The following NBAS variants were observed in gnomAD, a reference collection of about 807,000 sequenced individuals.
NBAS encodes NBAS subunit of NRZ tethering complex.
In NBAS, 219 loss-of-function variants were observed where a neutral mutation model predicts 302.5. The observed-to-expected ratio is 0.72, with a 90% CI of 0.65 to 0.81. The LOEUF is 0.81. Among genes scored for constraint, NBAS ranks in the 30% least tolerant of loss-of-function variants. NBAS has a pLI of 0.00. For synonymous variants in NBAS, 1,118 were observed against 1,021.6 expected (o/e 1.09, Z -1.80); for missense variants, 2,932 against 2,841.6 (o/e 1.03, Z -0.72).
intron 51 of NBAS, among the ~76,000 whole-genome samples, chr2:15,173,742 A>C (rs1323392887): frequency 6.6e-6 from 1 of 152,108 alleles, no homozygotes; most frequent in African/African-American, 2.4e-5. Context: ...TTGAAAATCC[A>C]AGCTTGATCA....
At chr2:14,947,023 C>T in the NBAS span, among the ~76,000 whole-genome samples, 1 of 151,970 alleles carries the variant, frequency 6.6e-6, no homozygotes, top group African/African-American at 2.4e-5. Context: ...AAAAGAAGTT[C>T]TAATAGGAAG....
intron 42 of NBAS, among the ~76,000 whole-genome samples, chr2:15,282,433 T>C (rs1305514907): frequency 6.6e-6 from 1 of 152,232 alleles, no homozygotes; most frequent in Non-Finnish European, 1.5e-5. Flanking sequence ...TATAGTTTAC[T>C]CATCTCTCCT....
the NBAS span, chr2:14,907,662 G>A: frequency 1.3e-5 from 2 of 152,210 alleles, no homozygotes; most frequent in African/African-American, 2.4e-5. Flanking sequence ...CCAAAATTAC[G>A]AAGATATTTC....
At chr2:15,254,214 G>A (rs767420124) in intron 44 of NBAS, among the ~76,000 whole-genome samples, 1 of 151,806 alleles carries the variant, frequency 6.6e-6, no homozygotes, top group Admixed American at 6.6e-5. Flanking sequence ...CACCCAGGAG[G>A]CTCACTTCCT....
the NBAS span, among the ~76,000 whole-genome samples, chr2:15,015,578 A>C: frequency 6.6e-6 from 1 of 152,224 alleles, no homozygotes. Context: ...CATTTGATAA[A>C]ATTCAACACA....
At position 15,424,368 on chromosome 2, in the gene NBAS, C is replaced by A. The variant is rs1085307944; in HGVS notation, c.2524G>T (p.Val842Phe). ...FRMTQLTVEK[V>F]MDWYQTRAEE... Reference sequence around the variant, plus strand: ...GCTCTGGTCTGATACCAGTCCATAACCTTCTCCACCGTAAGCTGGGTCATC... The same window carrying A: ...GCTCTGGTCTGATACCAGTCCATAAACTTCTCCACCGTAAGCTGGGTCATC... The change falls in exon 23 of 52, where the codon GTT becomes TTT. Residue 842 changes from valine (V) to phenylalanine (F), a missense_variant. By Grantham distance (50) the Val-to-Phe change is conservative (BLOSUM62 -1). Coordinates refer to ENST00000281513, the MANE Select transcript of NBAS (RefSeq NM_015909.4). 1.2e-5 allele frequency: 19 copies of A among 1,613,982 alleles called. No individual in the cohort carries two copies. The highest frequency in any genetic ancestry group is 1.4e-5 in the Non-Finnish European group (17 of 1,179,996).
chr2:15,195,214 A>C (rs982964024), intron 48 of NBAS, among the ~76,000 whole-genome samples: 1 of 152,188 alleles, frequency 6.6e-6, no homozygotes, highest in African/African-American at 2.4e-5. Flanking sequence ...AAGAGATGAG[A>C]TATTTAAGAG....
chr2:14,976,073 C>T, the NBAS span, among the ~76,000 whole-genome samples: 1 of 152,112 alleles, frequency 6.6e-6, no homozygotes, highest in South Asian at 2.1e-4. Context: ...TGAAAGAATA[C>T]GGAGTGGAGC....
At chr2:15,174,165 AC>A (rs1290849949) in intron 51 of NBAS, among the ~76,000 whole-genome samples, 2 of 152,196 alleles carry the variant, frequency 1.3e-5, no homozygotes, top group African/African-American at 4.8e-5. Flanking sequence ...CAACTTTGAA[AC>A]CTGGACAGAG....
chr2:15,402,382 G>A, intron 25 of NBAS, 81 bp from the exon 26 acceptor site: 1 of 1,313,804 alleles, frequency 7.6e-7, no homozygotes, highest in Non-Finnish European at 1.1e-6. Context: ...ACTGTCAACA[G>A]AATATTAAAT....
At chr2:15,178,954 A>G (rs1338090955) in intron 51 of NBAS, 34 bp downstream of exon 51, 1 of 1,613,564 alleles carries the variant, frequency 6.2e-7, no homozygotes, top group Non-Finnish European at 8.5e-7. Flanking sequence ...ATTAAAAAAA[A>G]AAAAAGAAAG....
At chr2:15,265,931 G>A (rs972395925) in intron 44 of NBAS, among the ~76,000 whole-genome samples, 95 of 152,294 alleles carry the variant, frequency 6.2e-4, no homozygotes, top group African/African-American at 2.2e-3. Flanking sequence ...AAATTCTAAG[G>A]ACAGCCGATA....
At chr2:15,148,561 T>C in the NBAS span, among the ~76,000 whole-genome samples, 1 of 152,184 alleles carries the variant, frequency 6.6e-6, no homozygotes, top group Admixed American at 6.5e-5. Flanking sequence ...CAGGTGAAGG[T>C]TGGCCGCCCT....
intron 51 of NBAS, among the ~76,000 whole-genome samples, chr2:15,170,163 T>A (rs983155393): frequency 6.6e-6 from 1 of 152,210 alleles, no homozygotes; most frequent in African/African-American, 2.4e-5. Flanking sequence ...TAGTGATGGA[T>A]TCTTCCAGCC....
chr2:15,203,879 T>C (rs945664617), intron 48 of NBAS, among the ~76,000 whole-genome samples: 1 of 131,940 alleles, frequency 7.6e-6, no homozygotes, highest in African/African-American at 2.8e-5. Flanking sequence ...TCTGTGTGTG[T>C]GTGTGTGTGC....
chr2:14,838,405 T>C, the NBAS span, among the ~76,000 whole-genome samples: 2 of 151,984 alleles, frequency 1.3e-5, no homozygotes, highest in African/African-American at 2.4e-5. Context: ...TATTTGGTTT[T>C]CTTTCAATTT....
the NBAS span, among the ~76,000 whole-genome samples, chr2:14,917,809 G>A: frequency 6.6e-6 from 1 of 152,158 alleles, no homozygotes; most frequent in East Asian, 1.9e-4. Context: ...AGTCCAAAAT[G>A]TACATACTTA....
At chr2:15,427,908 T>C (rs190090393) in intron 21 of NBAS, 114 bp from the exon 22 acceptor site, 312 of 791,262 alleles carry the variant, frequency 3.9e-4, no homozygotes, top group Middle Eastern at 1.7e-3. Flanking sequence ...AGATTCATGC[T>C]TATAGTATTT....
chr2:15,501,584 A>ATTTTTTT (rs70961416), intron 11 of NBAS, among the ~76,000 whole-genome samples: 13 of 107,210 alleles, frequency 1.2e-4, no homozygotes, highest in Non-Finnish European at 2.0e-4. Context: ...TGAACTAAAT[A>ATTTTTTT]TTTTTTTTTT....
Sources: gnomAD v4.1 joint callset for allele counts (sites outside exome capture counted in the v4.1 genomes callset) on GRCh38, gnomAD v4.1.1 for gene constraint, MANE v1.5 for transcripts, NCBI Gene and HGNC (gene_info 2026-07-23, HGNC 2026-07-21) for gene names.